The following CERS4 variants were observed in gnomAD, a reference collection of about 807,000 sequenced individuals.
CERS4 encodes the protein LAG1 homolog, ceramide synthase 4.
In CERS4, 65 loss-of-function variants were observed where a neutral mutation model predicts 51.8. That is an observed-to-expected ratio of 1.26 (90% CI 1.03 to 1.54). The LOEUF (loss-of-function observed/expected upper bound fraction) is 1.54. Among genes scored for constraint, CERS4 ranks in the 40% most tolerant of loss-of-function variants. The pLI is 0.00. For missense variants in CERS4, 563 were observed against 500.4 expected (o/e 1.13, Z -1.19); for synonymous variants, 228 against 208.4 (o/e 1.09, Z -0.81).
chr19:8,246,980 A>C (rs919521516), intron 2 of CERS4, among the ~76,000 whole-genome samples: 4 of 152,152 alleles, frequency 2.6e-5, no homozygotes, highest in Non-Finnish European at 5.9e-5. Context: ...AGCCTGGCCA[A>C]CATAACAAAA....
intron 2 of CERS4, among the ~76,000 whole-genome samples, chr19:8,243,661 T>C (rs8104534): frequency 0.066 from 8,019 of 120,954 alleles, 595 homozygotes; most frequent in African/African-American, 0.19. Flanking sequence ...TTTTTTTTTT[T>C]CCCCCAAAAC....
intron 2 of CERS4, among the ~76,000 whole-genome samples, chr19:8,234,162 C>T (rs1393117438): frequency 1.8e-4 from 27 of 151,378 alleles, no homozygotes; most frequent in African/African-American, 5.6e-4. Flanking sequence ...AAAAATTAGC[C>T]GGGCATGGTG....
chr19:8,231,948 C>T lies in CERS4; in HGVS notation c.-1-19128C>T, dbSNP rs532749439. 3.3e-5 allele frequency among the ~76,000 whole-genome samples: 5 copies of T among 150,316 alleles called. No individual in the cohort carries two copies. In the Admixed American group the frequency reaches 3.4e-4, roughly 10 times the overall value. The stretch of plus-strand genomic sequence containing the variant: ...GCTCAAAGGATCCTCCCACCTCAGC[C>T]TCCTGAGTAGCTGGGACTACAGGCA... On this transcript the variant is annotated intron_variant, in intron 2 of 11. Transcript: ENST00000251363.
chr19:8,256,436 G>T, intron 7 of CERS4, 150 bp downstream of exon 7: 6 of 931,318 alleles, frequency 6.4e-6, no homozygotes, highest in Non-Finnish European at 9.2e-6. Flanking sequence ...ATAGAGAGGG[G>T]CCAGAAAACC....
chr19:8,252,631 G>T (rs999870841), intron 3 of CERS4, among the ~76,000 whole-genome samples: 4 of 152,098 alleles, frequency 2.6e-5, no homozygotes, highest in African/African-American at 9.7e-5. Context: ...TAGAAACGGG[G>T]TTTTGCCATG....
intron 2 of CERS4, among the ~76,000 whole-genome samples, chr19:8,248,569 G>A (rs1227823428): frequency 2.0e-5 from 3 of 151,914 alleles, no homozygotes; most frequent in Non-Finnish European, 2.9e-5. Context: ...TAGATGGGTG[G>A]ACAGATGGAT....
chr19:8,229,719 T>C (rs1211803299), intron 2 of CERS4, among the ~76,000 whole-genome samples: 1 of 151,342 alleles, frequency 6.6e-6, no homozygotes, highest in East Asian at 1.9e-4. Flanking sequence ...GCCTTTTTTG[T>C]TTTTTGAGAA....
At chr19:8,261,404 GTGC>G (rs1189187268) in intron 10 of CERS4, 1 of 440,050 alleles carries the variant, frequency 2.3e-6, no homozygotes, top group East Asian at 4.1e-5. Flanking sequence ...AGCTGCCAGA[GTGC>G]CACCCAGGAA....
At chr19:8,258,395 A>T (rs772100023) in intron 10 of CERS4, among the ~76,000 whole-genome samples, 3 of 152,172 alleles carry the variant, frequency 2.0e-5, no homozygotes, top group Admixed American at 6.6e-5. Context: ...CATGCGAAGG[A>T]GAGATTTACT....
At chr19:8,236,265 G>A (rs894035063) in intron 2 of CERS4, among the ~76,000 whole-genome samples, 2 of 152,208 alleles carry the variant, frequency 1.3e-5, no homozygotes, top group Non-Finnish European at 2.9e-5. Flanking sequence ...GTCATTTGGT[G>A]TACCAGAGTT....
intron 2 of CERS4, chr19:8,240,585 AGTGTGTGTGTGTGTGT>A (rs5742074): frequency 7.0e-6 from 1 of 142,078 alleles, no homozygotes; most frequent in Non-Finnish European, 1.5e-5. Context: ...AATGTATGCA[AGTGTGTGTGTGTGTGT>A]GTGTGTGTGT....
At chr19:8,255,518 GGA>G in intron 4 of CERS4, 87 bp from the exon 5 acceptor site, 2 of 1,142,640 alleles carry the variant, frequency 1.8e-6, no homozygotes, top group Admixed American at 2.1e-5. Flanking sequence ...GGCCTGCAGT[GGA>G]GAGGGCAGAG....
intron 2 of CERS4, among the ~76,000 whole-genome samples, chr19:8,242,600 G>T (rs967980743): frequency 2.0e-5 from 3 of 152,172 alleles, no homozygotes; most frequent in Admixed American, 2.0e-4. Flanking sequence ...GGTGACAACT[G>T]AGCTGGGTTT....
At chr19:8,255,468 C>T in intron 4 of CERS4, 139 bp from the exon 5 acceptor site, 1 of 750,220 alleles carries the variant, frequency 1.3e-6, no homozygotes, top group Non-Finnish European at 2.3e-6. Flanking sequence ...CCCAACACTG[C>T]CCCTCCATAT....
intron 2 of CERS4, among the ~76,000 whole-genome samples, chr19:8,245,740 G>A (rs1434463951): frequency 2.0e-5 from 3 of 150,356 alleles, no homozygotes; most frequent in South Asian, 2.1e-4. Flanking sequence ...GGGTTTCACC[G>A]TGTTGGCCAG....
At chr19:8,261,528 G>T (rs555902738) in intron 10 of CERS4, 160 bp from the exon 11 acceptor site, 1 of 750,604 alleles carries the variant, frequency 1.3e-6, no homozygotes, top group East Asian at 2.5e-5. Flanking sequence ...AGGGGGCCTC[G>T]CGTGCCCAGC....
chr19:8,231,029 G>A (rs1051353551), intron 2 of CERS4, among the ~76,000 whole-genome samples: 3 of 151,888 alleles, frequency 2.0e-5, no homozygotes, highest in African/African-American at 4.8e-5. Context: ...TTGTAGAGAC[G>A]GTGTTTCACC....
Position 8,258,811 on chromosome 19 carries a change from C to T in CERS4, c.848+826C>T, listed in dbSNP as rs149152811. On this transcript the variant is annotated intron_variant, in intron 10 of 11. Transcript: ENST00000251363. ...GAATCAAGATTGTACCACTGCACTC[C>T]AGCCTGGGTGACAGAGGGAGACTTT... Among the ~76,000 whole-genome samples, 156 of 151,868 alleles carry T rather than the reference C, an allele frequency of 1.0e-3. 2 individuals are homozygous for T. Among genetic ancestry groups the T allele is most frequent in the African/African-American group, 3.7e-3 (154 of 41,416 alleles).
At chr19:8,213,102 C>T (rs1262087489) in intron 2 of CERS4, among the ~76,000 whole-genome samples, 2 of 151,818 alleles carry the variant, frequency 1.3e-5, no homozygotes, top group African/African-American at 2.4e-5. Flanking sequence ...TGCAGTGGTG[C>T]GATCTTCGCC....
Sources: allele counts gnomAD v4.1 joint callset (sites outside exome capture counted in the v4.1 genomes callset), GRCh38; gene constraint gnomAD v4.1.1; transcripts MANE v1.5; gene names NCBI Gene and HGNC (gene_info 2026-07-23, HGNC 2026-07-21).